Variants in PARVA observed in about 807,000 individuals in gnomAD.
The protein encoded by PARVA is alpha-parvin.
In PARVA, 25 loss-of-function variants were observed where a neutral mutation model predicts 52.6. The ratio of observed to expected loss-of-function variants is 0.48; its 90% CI spans 0.35 to 0.66. The LOEUF (loss-of-function observed/expected upper bound fraction) is 0.66. Among genes scored for constraint, PARVA ranks in the 30% least tolerant of loss-of-function variants. The probability of loss-of-function intolerance (pLI) is 0.01; values close to 1 mark genes in which losing one functional copy is unlikely to be tolerated. For synonymous variants in PARVA, 185 were observed against 179.1 expected (o/e 1.03, Z -0.26); for missense variants, 373 against 450.9 (o/e 0.83, Z 1.56).
rs532046724 is a variant in PARVA at position 12,377,576 on chromosome 11, C to T, written c.-72C>T. 1.5e-5 allele frequency: 22 copies of T among 1,495,994 alleles called. No individual in the cohort carries two copies. In the South Asian group the frequency reaches 2.0e-4, roughly 14 times the overall value. 92.7% of individuals were successfully genotyped at this position (1,495,994 alleles called of 1,614,324 possible). Reference sequence around the variant, plus strand: ...GTTTGGAAAGCCGCAGCCTCAGTCCCGCCGCCGCCCGCTGCGTCCGCCCAG... The same window carrying T: ...GTTTGGAAAGCCGCAGCCTCAGTCCTGCCGCCGCCCGCTGCGTCCGCCCAG... On this transcript the variant is annotated 5_prime_UTR_variant, in exon 1 of 13. Coordinates refer to ENST00000334956, the MANE Select transcript of PARVA (RefSeq NM_018222.5).
chr11:12,521,885 C>T (rs778130482), intron 12 of PARVA, among the ~76,000 whole-genome samples: 4 of 152,094 alleles, frequency 2.6e-5, no homozygotes, highest in Non-Finnish European at 5.9e-5. Context: ...TATTCCATCC[C>T]CCACTTGGAA....
intron 1 of PARVA, among the ~76,000 whole-genome samples, chr11:12,448,604 T>C (rs773888491): frequency 1.3e-5 from 2 of 152,184 alleles, no homozygotes; most frequent in Non-Finnish European, 2.9e-5. Context: ...AACTGTCGTT[T>C]ATTGGAATGA....
intron 4 of PARVA, among the ~76,000 whole-genome samples, chr11:12,493,609 C>T (rs550926215): frequency 2.8e-3 from 143 of 51,654 alleles, no homozygotes; most frequent in African/African-American, 7.2e-3. Context: ...AAATACCAGA[C>T]GCTAAAAAAA....
chr11:12,462,849 TCTC>T (rs1940801653), intron 1 of PARVA, among the ~76,000 whole-genome samples: 1 of 152,128 alleles, frequency 6.6e-6, no homozygotes, highest in South Asian at 2.1e-4. Flanking sequence ...AATTTTCTCA[TCTC>T]AGCCCTGGAA....
chr11:12,506,683 C>T (rs780103201), intron 6 of PARVA, among the ~76,000 whole-genome samples: 7 of 152,160 alleles, frequency 4.6e-5, no homozygotes, highest in Non-Finnish European at 7.4e-5. Context: ...GGACATGTTC[C>T]ATAAAATGGC....
intron 4 of PARVA, chr11:12,480,214 ACT>A (rs1282147904): frequency 1.0e-5 from 1 of 98,282 alleles, no homozygotes; most frequent in Non-Finnish European, 2.1e-5. Context: ...ACAGAGTAAG[ACT>A]CCCTCTCAAA....
chr11:12,394,716 A>T (rs1426437719), intron 1 of PARVA, among the ~76,000 whole-genome samples: 1 of 152,152 alleles, frequency 6.6e-6, no homozygotes, highest in Non-Finnish European at 1.5e-5. Context: ...TACACAAGAG[A>T]TTGGTCCCAG....
chr11:12,514,498 G>T (rs1941545328), intron 10 of PARVA, among the ~76,000 whole-genome samples: 1 of 152,152 alleles, frequency 6.6e-6, no homozygotes, highest in Non-Finnish European at 1.5e-5. Flanking sequence ...GTTTTGTTTT[G>T]TTTTTTGAGA....
chr11:12,421,085 G>A (rs1215147816), intron 1 of PARVA, among the ~76,000 whole-genome samples: 2 of 9,058 alleles, frequency 2.2e-4, no homozygotes, highest in East Asian at 0.12. Context: ...TTACTACTTG[G>A]GGTGTCTTGG....
intron 1 of PARVA, among the ~76,000 whole-genome samples, chr11:12,391,516 T>A (rs936027533): frequency 6.6e-6 from 1 of 152,220 alleles, no homozygotes; most frequent in Non-Finnish European, 1.5e-5. Flanking sequence ...ACAACACCCC[T>A]GCTTGTATCT....
rs1941726692 is a variant in PARVA at position 12,528,145 on chromosome 11, A to T, written c.*220A>T. On this transcript the variant is annotated 3_prime_UTR_variant, in exon 13 of 13. Coordinates refer to ENST00000334956, the MANE Select transcript of PARVA (RefSeq NM_018222.5). The stretch of plus-strand genomic sequence containing the variant: ...CCAGGCGCTGGGGACCAACCTAGCA[A>T]TGAAGGTTGGGAAGGTTGTTCCCTT... 1 of 536,366 alleles carries T rather than the reference A, an allele frequency of 1.9e-6. No homozygotes were observed. Among genetic ancestry groups the T allele is most frequent in the Non-Finnish European group, 3.3e-6 (1 of 300,246 alleles). The allele number at this position is 536,366 out of a possible 1,614,324, so 33.2% of individuals were successfully genotyped here.
chr11:12,441,781 A>AT (rs1307360679), intron 1 of PARVA, among the ~76,000 whole-genome samples: 4 of 152,292 alleles, frequency 2.6e-5, no homozygotes, highest in Non-Finnish European at 4.4e-5. Flanking sequence ...TATTTTAATG[A>AT]TTTTTCCCCC....
At chr11:12,418,839 T>A (rs1332743646) in intron 1 of PARVA, among the ~76,000 whole-genome samples, 1 of 152,188 alleles carries the variant, frequency 6.6e-6, no homozygotes, top group Non-Finnish European at 1.5e-5. Context: ...GTAACAATAA[T>A]AACCATTATT....
In PARVA at chr11:12,517,683, T is replaced by C. The variant is rs763551973; in HGVS notation, c.941T>C (p.Phe314Ser). 1 of 1,603,760 alleles carries C rather than the reference T, an allele frequency of 6.2e-7. No individual in the cohort carries two copies. The highest frequency in any genetic ancestry group is 1.1e-5 in the South Asian group (1 of 88,708). ...EGYFVPLHSF[F>S]LTPDSFEQKV... ...TACTTTGTGCCCCTGCACAGCTTCT[T>C]CCTGACCCCGGACAGCTTTGAACAG... is the stretch of plus-strand genomic sequence containing the variant. Residue 314 changes from phenylalanine (F) to serine (S), a missense_variant, in exon 11 of 13, where the codon TTC becomes TCC. Physicochemically the swap from Phe to Ser is radical, Grantham distance 155. Transcript: ENST00000334956.
rs115427077 is a variant in PARVA, at chr11:12,391,458, G to A, written c.136+13675G>A. Among the ~76,000 whole-genome samples the A allele has an allele frequency of 5.2e-3, 797 of 152,310 alleles. 7 individuals are homozygous for A. Among genetic ancestry groups the A allele is most frequent in the African/African-American group, 0.016 (669 of 41,558 alleles). ...AGCCCTTTCAGTATTACTGGTTCTG[G>A]GAAGTGTGATTCATGGTCTAGCTTA... is the stretch of plus-strand genomic sequence containing the variant. On this transcript the variant is annotated intron_variant, in intron 1 of 12. Coordinates refer to ENST00000334956, the MANE Select transcript of PARVA (RefSeq NM_018222.5).
At chr11:12,396,208 T>C (rs1326874954) in intron 1 of PARVA, among the ~76,000 whole-genome samples, 2 of 151,012 alleles carry the variant, frequency 1.3e-5, no homozygotes, top group African/African-American at 4.9e-5. Flanking sequence ...GGTTTCTTCA[T>C]ACCAAAGTCT....
intron 12 of PARVA, among the ~76,000 whole-genome samples, chr11:12,522,790 A>T (rs1230881818): frequency 1.1e-4 from 2 of 18,006 alleles, no homozygotes; most frequent in African/African-American, 1.7e-4. Flanking sequence ...TAAAACTGTT[A>T]AAAAAAAAAA....
At position 12,443,517 on chromosome 11, in the gene PARVA, G is replaced by A. The variant is rs369874410; in HGVS notation, c.137-30228G>A. 6.6e-5 allele frequency among the ~76,000 whole-genome samples: 10 copies of A among 152,274 alleles called. No individual in the cohort carries two copies. The East Asian group carries it at 1.9e-3, about 29-fold the overall frequency. On this transcript the variant is annotated intron_variant, in intron 1 of 12. Coordinates refer to ENST00000334956, the MANE Select transcript of PARVA (RefSeq NM_018222.5). ...TGTCACACACCACTTCTTCTCTTGG[G>A]TGACCTGTTTCCCCTGCAGGTGTAG...
At chr11:12,419,625 G>A (rs1564842635) in intron 1 of PARVA, among the ~76,000 whole-genome samples, 1 of 152,178 alleles carries the variant, frequency 6.6e-6, no homozygotes, top group Admixed American at 6.5e-5. Flanking sequence ...TCTTTTGAGT[G>A]TATGCAGAAG....
Sources: gnomAD v4.1 joint callset for allele counts (sites outside exome capture counted in the v4.1 genomes callset) on GRCh38, gnomAD v4.1.1 for gene constraint, MANE v1.5 for transcripts, NCBI Gene and HGNC (gene_info 2026-07-23, HGNC 2026-07-21) for gene names.